NRG4: variants seen among roughly 807,000 people sequenced by gnomAD.
NRG4 encodes the protein pro-neuregulin-4, membrane-bound isoform.
NRG4 carries 10 observed loss-of-function variants against 15.0 expected under a neutral mutation model. The ratio of observed to expected loss-of-function variants is 0.67; its 90% CI spans 0.41 to 1.13. The LOEUF (loss-of-function observed/expected upper bound fraction) is 1.13, where lower values mean the gene tolerates loss of function less well. Among genes scored for constraint, NRG4 ranks in the 50% most tolerant of loss-of-function variants. The probability of loss-of-function intolerance (pLI) is 0.00; values close to 1 mark genes in which losing one functional copy is unlikely to be tolerated. For synonymous variants in NRG4, 41 were observed against 50.1 expected (o/e 0.82, Z 0.77); for missense variants, 139 against 140.2 (o/e 0.99, Z 0.04).
intron 3 of NRG4, among the ~76,000 whole-genome samples, chr15:75,996,450 G>A (rs1401793253): frequency 6.6e-6 from 1 of 152,072 alleles, no homozygotes; most frequent in Non-Finnish European, 1.5e-5. Context: ...AAACAAATGA[G>A]CCTTGCTTTT....
At chr15:75,996,698 T>C (rs1206772831) in intron 3 of NRG4, among the ~76,000 whole-genome samples, 1 of 152,158 alleles carries the variant, frequency 6.6e-6, no homozygotes, top group Non-Finnish European at 1.5e-5. Flanking sequence ...TAGTACTAGA[T>C]CCCAACATTA....
chr15:75,997,879 C>A (rs2034271764), intron 3 of NRG4, among the ~76,000 whole-genome samples: 1 of 152,158 alleles, frequency 6.6e-6, no homozygotes, highest in Non-Finnish European at 1.5e-5. Flanking sequence ...CTCTACTGTC[C>A]AGAACCCAGT....
At chr15:75,973,055 G>T (rs2033185850) in intron 3 of NRG4, among the ~76,000 whole-genome samples, 1 of 152,112 alleles carries the variant, frequency 6.6e-6, no homozygotes, top group Admixed American at 6.5e-5. Context: ...CTTGAGCAGT[G>T]TTTTGTAGTA....
intron 3 of NRG4, among the ~76,000 whole-genome samples, chr15:76,005,243 G>A (rs56173902): frequency 0.037 from 5,598 of 151,900 alleles, 178 homozygotes; most frequent in African/African-American, 0.085. Context: ...ATTGCCAAGT[G>A]CAGTGTTGTG....
chr15:75,989,725 C>T (rs1187427868), intron 3 of NRG4, among the ~76,000 whole-genome samples: 1 of 152,032 alleles, frequency 6.6e-6, no homozygotes, highest in Non-Finnish European at 1.5e-5. Flanking sequence ...TTTGCTAATT[C>T]CATCATTGCT....
intron 3 of NRG4, among the ~76,000 whole-genome samples, chr15:76,006,218 C>T (rs1254748338): frequency 6.6e-6 from 1 of 151,780 alleles, no homozygotes; most frequent in East Asian, 1.9e-4. Context: ...GACAAGAGGG[C>T]AATAAAGAGT....
chr15:76,019,699 A>T (rs1351434952), intron 5 of NRG4, among the ~76,000 whole-genome samples: 1 of 152,050 alleles, frequency 6.6e-6, no homozygotes, highest in Non-Finnish European at 1.5e-5. Context: ...TCCCAATGAG[A>T]TAAGCCAGGT....
At chr15:76,045,851 A>G (rs550810894) in intron 4 of NRG4, among the ~76,000 whole-genome samples, 1 of 151,136 alleles carries the variant, frequency 6.6e-6, no homozygotes, top group Admixed American at 6.6e-5. Context: ...GAAAGGATCA[A>G]TAAGACCTAG....
At chr15:76,032,574 T>C (rs958123293) in intron 5 of NRG4, among the ~76,000 whole-genome samples, 12 of 152,204 alleles carry the variant, frequency 7.9e-5, no homozygotes, top group African/African-American at 2.9e-4. Flanking sequence ...AAAACTTTCT[T>C]TGAAGGCCAA....
chr15:75,997,127 CTAAA>C (rs2034245410), intron 3 of NRG4, among the ~76,000 whole-genome samples: 3 of 151,764 alleles, frequency 2.0e-5, no homozygotes, highest in Non-Finnish European at 1.5e-5. Context: ...AATATGTAAA[CTAAA>C]TAAGGGCAAA....
Position 75,943,613 on chromosome 15 carries a change from T to G in NRG4, c.*25A>C. The stretch of plus-strand genomic sequence containing the variant: ...TTCTGCCTTTGTAAAATAAAAACAA[T>G]GATTTGGTTCACTTTGACGTTTCTT... On this transcript the variant is annotated 3_prime_UTR_variant, in exon 6 of 6. Coordinates refer to ENST00000394907, the MANE Select transcript of NRG4 (RefSeq NM_138573.4). The G allele has an allele frequency of 6.8e-7, 1 of 1,476,778 alleles. No individual in the cohort carries two copies. Among genetic ancestry groups the G allele is most frequent in the Non-Finnish European group, 9.4e-7 (1 of 1,058,882 alleles). 91.5% of individuals were successfully genotyped at this position (1,476,778 alleles called of 1,614,324 possible). A position where few individuals can be genotyped will look rare whatever the true frequency, so the allele number is the denominator to read the frequency against.
intron 4 of NRG4, among the ~76,000 whole-genome samples, chr15:76,051,444 A>C (rs565885378): frequency 6.6e-6 from 1 of 150,882 alleles, no homozygotes; most frequent in African/African-American, 2.5e-5. Flanking sequence ...TTCAGCCTAA[A>C]AGTTGAATTC....
chr15:76,033,958 A>G (rs2035538134), intron 5 of NRG4, among the ~76,000 whole-genome samples: 1 of 152,234 alleles, frequency 6.6e-6, no homozygotes, highest in Non-Finnish European at 1.5e-5. Context: ...TAGATATTGG[A>G]TTGGATAACC....
intron 4 of NRG4, among the ~76,000 whole-genome samples, chr15:76,048,520 C>T (rs934285997): frequency 4.1e-5 from 6 of 147,124 alleles, no homozygotes; most frequent in Admixed American, 4.0e-4. Flanking sequence ...TTTATAAACT[C>T]TTAAGCTACT....
chr15:75,971,156 G>T, intron 3 of NRG4: 1 of 410,886 alleles, frequency 2.4e-6, no homozygotes, highest in Non-Finnish European at 4.8e-6. Context: ...ATTTCAACAT[G>T]TTTGATTACC....
chr15:76,028,247 T>C (rs919127220), intron 5 of NRG4, among the ~76,000 whole-genome samples: 11 of 150,728 alleles, frequency 7.3e-5, no homozygotes, highest in African/African-American at 2.7e-4. Flanking sequence ...ATAAACAAAA[T>C]TGACAAATCA....
In NRG4 at chr15:75,941,222, C is replaced by T. The variant is rs1160616066; in HGVS notation, c.*2416G>A. 1 of 151,950 alleles carries T rather than the reference C, an allele frequency of 6.6e-6. No individual in the cohort carries two copies. The highest frequency in any genetic ancestry group is 2.4e-5 in the African/African-American group (1 of 41,384). 9.4% of individuals were successfully genotyped at this position (151,950 alleles called of 1,614,324 possible). ...ACAGTAAGGAAATGCAAATCAAAAC[C>T]ACATTGAGATACCACTTCATACCCA... On this transcript the variant is annotated 3_prime_UTR_variant, in exon 6 of 6. Coordinates refer to ENST00000394907, the MANE Select transcript of NRG4 (RefSeq NM_138573.4).
chr15:75,985,249 GATTT>G (rs763497265), intron 3 of NRG4, among the ~76,000 whole-genome samples: 4 of 152,198 alleles, frequency 2.6e-5, no homozygotes, highest in Admixed American at 6.5e-5. Flanking sequence ...CCACAGTAAT[GATTT>G]ATTACAGCAA....
At chr15:75,958,961 A>C (rs1595955297) in intron 4 of NRG4, 1 of 189,346 alleles carries the variant, frequency 5.3e-6, no homozygotes, top group Non-Finnish European at 1.1e-5. Flanking sequence ...CAACAATATT[A>C]AAGTTCCATT....
Sources: gnomAD v4.1 joint callset for allele counts (sites outside exome capture counted in the v4.1 genomes callset) on GRCh38, gnomAD v4.1.1 for gene constraint, MANE v1.5 for transcripts, NCBI Gene and HGNC (gene_info 2026-07-23, HGNC 2026-07-21) for gene names.